RBFOX2: variants seen among roughly 807,000 people sequenced by gnomAD.
The protein encoded by RBFOX2 is RNA binding protein fox-1 homolog 2.
RBFOX2 carries 10 observed loss-of-function variants against 49.1 expected under a neutral mutation model. That is an observed-to-expected ratio of 0.20 (90% CI 0.13 to 0.35). RBFOX2 has a LOEUF of 0.35. RBFOX2 is among the 10% of genes least tolerant of loss of function. The pLI, the probability that RBFOX2 is intolerant of heterozygous loss-of-function variation, is 1.00. For missense variants in RBFOX2, 323 were observed against 486.9 expected, an observed-to-expected ratio of 0.66 and a Z score of 3.17; for synonymous variants, 183 against 187.4, an observed-to-expected ratio of 0.98 and a Z score of 0.19.
chr22:35,740,338 T>C (rs1929250741), exon 12 of RBFOX2: 1 of 152,602 alleles, frequency 6.6e-6, no homozygotes, highest in South Asian at 2.1e-4. Flanking sequence ...CAAAAAAATA[T>C]AGTGTTTTAT....
In RBFOX2 at chr22:35,761,304, T is replaced by G. The variant is rs367853847; in HGVS notation, c.662-10A>C. 443 of 1,614,032 alleles carry G rather than the reference T, an allele frequency of 2.7e-4. 2 individuals are homozygous for G. Among genetic ancestry groups the G allele is most frequent in the South Asian group, 1.8e-3 (165 of 91,070 alleles). ...GCTTGAAAGCTGGATGCTGATTGGA[T>G]TTTTAAAAAATTTAAAAATGCAAGA... On this transcript the variant is annotated splice_polypyrimidine_tract_variant and intron_variant, in intron 7 of 11. Coordinates refer to ENST00000405409, the Ensembl canonical transcript of RBFOX2.
At chr22:35,808,107 T>A (rs921156761) in intron 2 of RBFOX2, among the ~76,000 whole-genome samples, 1 of 152,162 alleles carries the variant, frequency 6.6e-6, no homozygotes, top group Non-Finnish European at 1.5e-5. Context: ...TCCTCACATA[T>A]ATTTTATTTC....
intron 1 of RBFOX2, among the ~76,000 whole-genome samples, chr22:35,857,959 C>A (rs2042692853): frequency 6.6e-6 from 1 of 152,092 alleles, no homozygotes. Flanking sequence ...AAATTGATAT[C>A]AGAGGTGAAT....
chr22:35,985,951 GATA>G (rs1210839798), intron 1 of RBFOX2, among the ~76,000 whole-genome samples: 3 of 134,796 alleles, frequency 2.2e-5, no homozygotes, highest in Non-Finnish European at 3.3e-5. Context: ...TAGATAGATA[GATA>G]GAGTCTTCCT....
intron 2 of RBFOX2, among the ~76,000 whole-genome samples, chr22:35,785,470 T>G (rs1375612046): frequency 6.6e-6 from 1 of 152,004 alleles, no homozygotes; most frequent in Non-Finnish European, 1.5e-5. Flanking sequence ...TAGAAGTGAG[T>G]CCCCAACAGA....
rs147722868 is a variant in RBFOX2, at chr22:35,768,841, G to C, written c.454-492C>G. On this transcript the variant is annotated intron_variant, in intron 4 of 11. Coordinates refer to ENST00000405409, the Ensembl canonical transcript of RBFOX2. ...ATTCAGGTTCAACATTGCATAATGA[G>C]ATTTTTTTTAAAGTAGGTCTAATCA... Among the ~76,000 whole-genome samples, 10 of 152,270 alleles carry C rather than the reference G, an allele frequency of 6.6e-5. No individual in the cohort carries two copies. The East Asian group carries it at 1.5e-3, about 23-fold the overall frequency.
At chr22:35,892,013 C>A (rs1370995664) in intron 1 of RBFOX2, among the ~76,000 whole-genome samples, 1 of 152,142 alleles carries the variant, frequency 6.6e-6, no homozygotes. Context: ...TAGATGAATT[C>A]AAAGATACCC....
intron 4 of RBFOX2, among the ~76,000 whole-genome samples, chr22:35,774,262 T>C (rs77036834): frequency 0.022 from 3,340 of 152,160 alleles, 119 homozygotes; most frequent in African/African-American, 0.077. Flanking sequence ...CCAGGAAATA[T>C]GGTCACTCTA....
chr22:35,938,848 T>C (rs766281200), exon 1 of RBFOX2: 2 of 1,613,364 alleles, frequency 1.2e-6, no homozygotes, highest in Non-Finnish European at 1.7e-6. Flanking sequence ...GATACCAACC[T>C]GGCTGTCCCG....
chr22:35,866,086 A>G (rs563047075), intron 1 of RBFOX2, among the ~76,000 whole-genome samples: 9 of 152,328 alleles, frequency 5.9e-5, no homozygotes, highest in African/African-American at 2.2e-4. Context: ...GAAAAATAGT[A>G]TATTTTAAGT....
chr22:35,943,445 CAG>C (rs1167774068), upstream of RBFOX2, among the ~76,000 whole-genome samples: 3 of 152,168 alleles, frequency 2.0e-5, no homozygotes, highest in African/African-American at 7.2e-5. Flanking sequence ...TGTCTTGGCA[CAG>C]AGACTGCTCA....
intron 2 of RBFOX2, among the ~76,000 whole-genome samples, chr22:35,799,668 C>T (rs1949413819): frequency 6.6e-6 from 1 of 152,072 alleles, no homozygotes; most frequent in South Asian, 2.1e-4. Context: ...ATTACTTCGG[C>T]TGGATGTGGT....
chr22:35,974,355 G>A (rs974548158), intron 1 of RBFOX2, among the ~76,000 whole-genome samples: 6 of 152,102 alleles, frequency 3.9e-5, no homozygotes, highest in East Asian at 1.9e-4. Context: ...ATTCGTTCTC[G>A]TCTATTAACA....
intron 1 of RBFOX2, among the ~76,000 whole-genome samples, chr22:35,950,160 G>C (rs147094182): frequency 7.2e-6 from 1 of 138,446 alleles, no homozygotes; most frequent in East Asian, 2.2e-4. Context: ...AGGTTCCTTA[G>C]ATCTCTCTCC....
At chr22:35,938,949 G>C (rs748536411), upstream of RBFOX2, 9 of 1,514,216 alleles carry the variant, frequency 5.9e-6, no homozygotes, top group Non-Finnish European at 8.3e-6. Context: ...GAAAATGTTA[G>C]GCATAATCAA....
At chr22:35,829,202 T>C (rs962720481) in intron 1 of RBFOX2, among the ~76,000 whole-genome samples, 1 of 152,056 alleles carries the variant, frequency 6.6e-6, no homozygotes, top group African/African-American at 2.4e-5. Context: ...AAATTCACAA[T>C]GTATGGCATC....
chr22:35,930,108 G>T (rs1331026726), intron 1 of RBFOX2, among the ~76,000 whole-genome samples: 1 of 138,368 alleles, frequency 7.2e-6, no homozygotes, highest in Non-Finnish European at 1.5e-5. Context: ...TGCAACCTCC[G>T]CCTCCTGGGT....
At chr22:36,000,496 T>A (rs954434564) in intron 1 of RBFOX2, 2 of 152,148 alleles carry the variant, frequency 1.3e-5, no homozygotes, top group Non-Finnish European at 2.9e-5. Context: ...CTTTTGCACT[T>A]CATGATTGGT....
chr22:35,942,453 T>C (rs1361624639), upstream of RBFOX2, among the ~76,000 whole-genome samples: 2 of 152,104 alleles, frequency 1.3e-5, no homozygotes, highest in African/African-American at 4.8e-5. Context: ...AACAGTGTTG[T>C]TTGCCTTAGT....
Sources: allele counts gnomAD v4.1 joint callset (sites outside exome capture counted in the v4.1 genomes callset), GRCh38; gene constraint gnomAD v4.1.1; transcripts MANE v1.5; gene names NCBI Gene and HGNC (gene_info 2026-07-23, HGNC 2026-07-21).